The following TRAPPC12 variants were observed in gnomAD, a reference collection of about 807,000 sequenced individuals.
TRAPPC12 encodes trafficking protein particle complex subunit 12.
A neutral mutation model predicts 69.2 loss-of-function variants in TRAPPC12; 61 were observed. The observed-to-expected ratio is 0.88, with a 90% confidence interval of 0.72 to 1.09. TRAPPC12 has a LOEUF of 1.09. Ranked by LOEUF, TRAPPC12 falls within the 50% of genes least tolerant of loss-of-function variation. The pLI is 0.00. For missense variants in TRAPPC12, 1,101 were observed against 1,016.4 expected (o/e 1.08, Z -1.13); for synonymous variants, 469 against 438.9 (o/e 1.07, Z -0.86).
In TRAPPC12 at chr2:3,388,065, G is replaced by C. The variant is rs754188527; in HGVS notation, c.442G>C (p.Glu148Gln). The change falls in exon 2 of 12, where the codon GAG becomes CAG. Residue 148 changes from glutamate to glutamine, a missense_variant. By Grantham distance (29) the Glu-to-Gln change is conservative. Transcript: ENST00000324266. ...CCCAGGCAGCGAAGCCGCGCGCCCG[G>C]AGCAGGAGCCTCCCGTTGCGGAGCC... ...EVPGSEAARP[E>Q]QEPPVAEPVP... 66 of 1,525,726 alleles carry C rather than the reference G, an allele frequency of 4.3e-5. No individual in the cohort carries two copies. Among genetic ancestry groups the C allele is most frequent in the Non-Finnish European group, 5.2e-5 (59 of 1,141,370 alleles). 94.5% of individuals were successfully genotyped at this position (1,525,726 alleles called of 1,614,324 possible).
chr2:3,463,433 G>A (rs1665620806), intron 8 of TRAPPC12, among the ~76,000 whole-genome samples: 1 of 151,526 alleles, frequency 6.6e-6, no homozygotes, highest in Non-Finnish European at 1.5e-5. Context: ...TGCCGCGCCT[G>A]CCCCCGGCCT....
rs10865541 is a variant in TRAPPC12, at chr2:3,388,304, T to C, written c.681T>C (p.Phe227=). Residue 227 remains phenylalanine (F), a synonymous_variant, in exon 2 of 12, where the codon TTT becomes TTC. Transcript: ENST00000324266. The part of the protein sequence containing the change: ...HSLASDFFDS[F]TTSAFISVSN... ...TGGCCTCGGACTTCTTCGACTCCTTTACTACCTCCGCCTTCATTTCCGTCA... is the reference window on the plus strand; with the variant it reads ...TGGCCTCGGACTTCTTCGACTCCTTCACTACCTCCGCCTTCATTTCCGTCA... 0.59 allele frequency: 953,228 copies of C among 1,606,390 alleles called. 284,338 individuals carry two copies. Among genetic ancestry groups the C allele is most frequent in the African/African-American group, 0.7 (51,835 of 73,692 alleles).
At chr2:3,465,091 T>C (rs1293366690) in intron 8 of TRAPPC12, among the ~76,000 whole-genome samples, 2 of 152,154 alleles carry the variant, frequency 1.3e-5, no homozygotes, top group African/African-American at 4.8e-5. Flanking sequence ...CATCACATAC[T>C]CAGCCTCAGC....
At chr2:3,412,829 C>T (rs940080470) in intron 3 of TRAPPC12, among the ~76,000 whole-genome samples, 3 of 152,190 alleles carry the variant, frequency 2.0e-5, no homozygotes, top group African/African-American at 7.2e-5. Context: ...TCAGCACACT[C>T]ACAACTTCAA....
At chr2:3,464,626 C>T (rs1376661393) in intron 8 of TRAPPC12, among the ~76,000 whole-genome samples, 1 of 152,244 alleles carries the variant, frequency 6.6e-6, no homozygotes. Context: ...AGTGCAGGGC[C>T]TGCCGCACAC....
chr2:3,425,728 A>G (rs1043745541), intron 5 of TRAPPC12, among the ~76,000 whole-genome samples: 5 of 152,204 alleles, frequency 3.3e-5, no homozygotes, highest in Non-Finnish European at 4.4e-5. Context: ...GTTGTCAGGA[A>G]ATGCAGAGCC....
intron 7 of TRAPPC12, 132 bp from the exon 8 acceptor site, chr2:3,460,131 C>T: frequency 1.3e-6 from 1 of 749,752 alleles, no homozygotes; most frequent in Non-Finnish European, 2.4e-6. Context: ...TTCAGCATTC[C>T]AGGCCGAAAT....
At chr2:3,422,059 AC>A in intron 4 of TRAPPC12, 65 bp downstream of exon 4, 2 of 1,258,166 alleles carry the variant, frequency 1.6e-6, no homozygotes, top group Non-Finnish European at 1.1e-6. Context: ...CATGGACAGG[AC>A]CATGGCCTTT....
At chr2:3,431,658 A>T (rs1357887365) in intron 5 of TRAPPC12, among the ~76,000 whole-genome samples, 1 of 151,986 alleles carries the variant, frequency 6.6e-6, no homozygotes, top group Admixed American at 6.6e-5. Context: ...TAGGGTTTGC[A>T]GTCATGAAAA....
chr2:3,458,260 G>A (rs1163277162), intron 7 of TRAPPC12: 1 of 987,018 alleles, frequency 1.0e-6, no homozygotes, highest in African/African-American at 1.7e-5. Flanking sequence ...GAGTGCGTTA[G>A]CCAGGAGCAA....
At chr2:3,405,276 C>T (rs1340206729) in intron 3 of TRAPPC12, among the ~76,000 whole-genome samples, 1 of 152,072 alleles carries the variant, frequency 6.6e-6, no homozygotes, top group Non-Finnish European at 1.5e-5. Context: ...ACACTAAGAT[C>T]TACAAAGGTG....
intron 1 of TRAPPC12, among the ~76,000 whole-genome samples, chr2:3,380,643 T>G (rs1199562866): frequency 1.3e-5 from 2 of 152,182 alleles, no homozygotes. Flanking sequence ...CAGTCCCGTC[T>G]TGGGATTGGG....
At position 3,465,677 on chromosome 2, in the gene TRAPPC12, C is replaced by T. The variant is rs140115444; in HGVS notation, c.1758C>T (p.Ile586=). 45 of 1,613,942 alleles carry T rather than the reference C, an allele frequency of 2.8e-5. No individual in the cohort carries two copies. Among genetic ancestry groups the T allele is most frequent in the Non-Finnish European group, 3.5e-5 (41 of 1,179,930 alleles). Residue 586 remains isoleucine, a synonymous_variant, in exon 9 of 12, where the codon ATC becomes ATT. Transcript: ENST00000324266. ...PEQEPQLLSG[I]GRISLQIGDI... is the part of the protein sequence containing the mutation. ...AAGAGCCCCAGCTGCTCAGCGGCAT[C>T]GGCCGGATTTCCCTGCAGGTACCTG...
chr2:3,406,354 T>A (rs1661729242), intron 3 of TRAPPC12, among the ~76,000 whole-genome samples: 1 of 152,178 alleles, frequency 6.6e-6, no homozygotes, highest in African/African-American at 2.4e-5. Flanking sequence ...CTCCCCAAAT[T>A]GCCTTTCTTC....
intron 5 of TRAPPC12, among the ~76,000 whole-genome samples, chr2:3,443,171 T>G (rs559673825): frequency 1.1e-4 from 16 of 152,324 alleles, no homozygotes; most frequent in African/African-American, 3.6e-4. Flanking sequence ...CTCTGGGTGA[T>G]GGATTTTTCA....
intron 9 of TRAPPC12, among the ~76,000 whole-genome samples, chr2:3,473,556 T>C (rs1666159228): frequency 6.6e-6 from 1 of 152,226 alleles, no homozygotes; most frequent in Admixed American, 6.5e-5. Flanking sequence ...TGCAGCTCAC[T>C]GCAGCCTTGA....
At chr2:3,391,886 G>T (rs977481935) in intron 2 of TRAPPC12, among the ~76,000 whole-genome samples, 2 of 152,008 alleles carry the variant, frequency 1.3e-5, no homozygotes, top group Non-Finnish European at 2.9e-5. Context: ...ACATCTGTGG[G>T]TCTGGCCTTT....
rs73129498 is a variant in TRAPPC12 at position 3,419,289 on chromosome 2, C to T, written c.1165-2592C>T. On this transcript the variant is annotated intron_variant, in intron 3 of 11. Transcript: ENST00000324266. The stretch of plus-strand genomic sequence containing the variant: ...GATGCATATATAGAACTGGTTCAGA[C>T]TTGGCACAATCTCTTTCCCTCTCAC... Among the ~76,000 whole-genome samples the T allele has an allele frequency of 8.2e-3, 1,251 of 152,270 alleles. 22 individuals carry two copies. The highest frequency in any genetic ancestry group is 0.029 in the African/African-American group (1,187 of 41,556).
At chr2:3,433,828 C>T (rs182551187) in intron 5 of TRAPPC12, among the ~76,000 whole-genome samples, 8 of 152,222 alleles carry the variant, frequency 5.3e-5, no homozygotes, top group South Asian at 4.2e-4. Flanking sequence ...GGGAATCTTC[C>T]GGAAAAATAG....
Sources: allele counts gnomAD v4.1 joint callset (sites outside exome capture counted in the v4.1 genomes callset), GRCh38; gene constraint gnomAD v4.1.1; transcripts MANE v1.5; gene names NCBI Gene and HGNC (gene_info 2026-07-23, HGNC 2026-07-21).